Variants in C8orf34 observed in about 807,000 individuals in gnomAD.
The protein encoded by C8orf34 is uncharacterized protein C8orf34.
In C8orf34, 65 loss-of-function variants were observed where a neutral mutation model predicts 68.3. That is an observed-to-expected ratio of 0.95 (90% CI 0.78 to 1.17). C8orf34 has a LOEUF of 1.17. Among genes scored for constraint, C8orf34 ranks in the 50% most tolerant of loss-of-function variants. The pLI is 0.00. For synonymous variants in C8orf34, 244 were observed against 241.2 expected (o/e 1.01, Z -0.11); for missense variants, 664 against 655.4 (o/e 1.01, Z -0.14).
intron 10 of C8orf34, among the ~76,000 whole-genome samples, chr8:68,772,391 C>A (rs1336611925): frequency 6.6e-6 from 1 of 152,122 alleles, no homozygotes; most frequent in Non-Finnish European, 1.5e-5. Flanking sequence ...CAGTGTGGTT[C>A]TAGTCCTACC....
chr8:68,344,862 T>A (rs1252141446), intron 1 of C8orf34, among the ~76,000 whole-genome samples: 1 of 152,124 alleles, frequency 6.6e-6, no homozygotes, highest in East Asian at 1.9e-4. Context: ...TGGGTAGTGA[T>A]CTGTGATATT....
chr8:68,494,591 C>T (rs186835937), intron 5 of C8orf34, among the ~76,000 whole-genome samples: 2 of 152,230 alleles, frequency 1.3e-5, no homozygotes, highest in East Asian at 1.9e-4. Context: ...TGCAGTCGCT[C>T]ACGCCTGTAA....
chr8:68,370,911 C>A (rs2129619764), intron 1 of C8orf34, among the ~76,000 whole-genome samples: 1 of 152,272 alleles, frequency 6.6e-6, no homozygotes. Context: ...GGAGTATAAG[C>A]TATCTCCTAC....
intron 4 of C8orf34, among the ~76,000 whole-genome samples, chr8:68,469,872 T>TTA (rs34205013): frequency 1.5e-4 from 22 of 150,278 alleles, no homozygotes; most frequent in South Asian, 6.3e-4. Context: ...TGAAAGAAGT[T>TTA]TATATATATA....
At chr8:68,585,962 A>T (rs549675476) in intron 7 of C8orf34, among the ~76,000 whole-genome samples, 1 of 152,212 alleles carries the variant, frequency 6.6e-6, no homozygotes, top group African/African-American at 2.4e-5. Flanking sequence ...GGTACAATGC[A>T]GGTGGGGATT....
At chr8:68,638,564 ATCT>A (rs1322386649) in intron 7 of C8orf34, among the ~76,000 whole-genome samples, 2 of 151,998 alleles carry the variant, frequency 1.3e-5, no homozygotes, top group African/African-American at 4.8e-5. Context: ...TGTTTTAAAC[ATCT>A]TCTCTATGTT....
intron 5 of C8orf34, among the ~76,000 whole-genome samples, chr8:68,493,350 A>G (rs1256110418): frequency 6.6e-6 from 1 of 152,206 alleles, no homozygotes; most frequent in Non-Finnish European, 1.5e-5. Flanking sequence ...GATGATGTAC[A>G]GATGACCAAC....
intron 1 of C8orf34, among the ~76,000 whole-genome samples, chr8:68,416,282 T>C (rs964829657): frequency 1.3e-5 from 2 of 152,180 alleles, no homozygotes; most frequent in African/African-American, 4.8e-5. Flanking sequence ...CCCTGATTTA[T>C]TTCTCTCCAT....
At chr8:68,419,262 T>C (rs1809831045) in intron 1 of C8orf34, among the ~76,000 whole-genome samples, 1 of 147,928 alleles carries the variant, frequency 6.8e-6, no homozygotes, top group East Asian at 2.0e-4. Flanking sequence ...GAAATGCAAA[T>C]CAAAACCACA....
chr8:68,592,587 T>A (rs4437633), intron 7 of C8orf34, among the ~76,000 whole-genome samples: 39 of 143,656 alleles, frequency 2.7e-4, no homozygotes, highest in African/African-American at 2.3e-4. Context: ...GTTTATCAAT[T>A]TATCTCTTCT....
intron 4 of C8orf34, among the ~76,000 whole-genome samples, chr8:68,487,665 G>A (rs1351747873): frequency 6.6e-6 from 1 of 152,098 alleles, no homozygotes; most frequent in African/African-American, 2.4e-5. Context: ...TTAACAAGGA[G>A]CAAAATAGTA....
chr8:68,802,853 A>G (rs1420146829), intron 12 of C8orf34, among the ~76,000 whole-genome samples: 1 of 152,174 alleles, frequency 6.6e-6, no homozygotes, highest in Non-Finnish European at 1.5e-5. Flanking sequence ...TTGTGCATTC[A>G]ATTTTACATG....
chr8:68,588,772 A>T (rs1817280759), intron 7 of C8orf34, among the ~76,000 whole-genome samples: 1 of 152,154 alleles, frequency 6.6e-6, no homozygotes, highest in Non-Finnish European at 1.5e-5. Flanking sequence ...TATCGATCCC[A>T]TCTCCTCACA....
chr8:68,503,789 C>G (rs1011292512), intron 5 of C8orf34, among the ~76,000 whole-genome samples: 1 of 151,640 alleles, frequency 6.6e-6, no homozygotes, highest in African/African-American at 2.4e-5. Context: ...TAAACGTTCA[C>G]CTCTTGGGTT....
At chr8:68,565,358 G>T (rs141517032) in intron 7 of C8orf34, among the ~76,000 whole-genome samples, 1 of 152,102 alleles carries the variant, frequency 6.6e-6, no homozygotes, top group Non-Finnish European at 1.5e-5. Context: ...AATCCCTCCC[G>T]AAGATAAAGC....
At chr8:68,567,303 C>T (rs1165595273) in intron 7 of C8orf34, among the ~76,000 whole-genome samples, 2 of 152,068 alleles carry the variant, frequency 1.3e-5, no homozygotes, top group Non-Finnish European at 2.9e-5. Context: ...TTCAATCTCA[C>T]TGCTTGTTAT....
At chr8:68,415,170 A>G (rs1166774547) in intron 1 of C8orf34, among the ~76,000 whole-genome samples, 1 of 152,224 alleles carries the variant, frequency 6.6e-6, no homozygotes, top group South Asian at 2.1e-4. Context: ...AGAAAACTGG[A>G]TATAAAGAAA....
chr8:68,390,042 T>C (rs1360618494), intron 1 of C8orf34, among the ~76,000 whole-genome samples: 2 of 152,154 alleles, frequency 1.3e-5, no homozygotes, highest in Non-Finnish European at 2.9e-5. Flanking sequence ...AGGTGACTCT[T>C]CCATTACCCT....
chr8:68,612,628 A>G (rs981950973), intron 7 of C8orf34, among the ~76,000 whole-genome samples: 1 of 152,208 alleles, frequency 6.6e-6, no homozygotes, highest in African/African-American at 2.4e-5. Context: ...AACATTTATT[A>G]AACATCTATC....
Sources: gnomAD v4.1 joint callset for allele counts (sites outside exome capture counted in the v4.1 genomes callset) on GRCh38, gnomAD v4.1.1 for gene constraint, MANE v1.5 for transcripts, NCBI Gene and HGNC (gene_info 2026-07-23, HGNC 2026-07-21) for gene names.